The following DCTN1 variants were observed in gnomAD, a reference collection of about 807,000 sequenced individuals.
DCTN1 encodes 150 kDa dynein-associated polypeptide.
In DCTN1, 61 loss-of-function variants were observed where a neutral mutation model predicts 161.2. That is an observed-to-expected ratio of 0.38 (90% CI 0.31 to 0.47). The LOEUF (loss-of-function observed/expected upper bound fraction) is 0.47, where lower values mean the gene tolerates loss of function less well. Among genes scored for constraint, DCTN1 ranks in the 20% least tolerant of loss-of-function variants. DCTN1 has a pLI of 0.99. For missense variants in DCTN1, 1,404 were observed against 1,623.7 expected (o/e 0.86, Z 2.33); for synonymous variants, 653 against 632.4 (o/e 1.03, Z -0.49).
At chr2:74,381,376 G>A (rs139573378), upstream of DCTN1, among the ~76,000 whole-genome samples, 119 of 152,250 alleles carry the variant, frequency 7.8e-4, 1 homozygote, top group African/African-American at 2.6e-3. Context: ...ACTTTACCCC[G>A]CTCTACCCTC....
chr2:74,375,636 A>C (rs1440520728), intron 5 of DCTN1, among the ~76,000 whole-genome samples: 1 of 152,150 alleles, frequency 6.6e-6, no homozygotes, highest in Non-Finnish European at 1.5e-5. Context: ...TTCTCTATTC[A>C]AGGCCTGAGG....
intron 1 of DCTN1, among the ~76,000 whole-genome samples, chr2:74,386,396 T>A (rs1675732514): frequency 6.6e-6 from 1 of 152,210 alleles, no homozygotes; most frequent in Non-Finnish European, 1.5e-5. Context: ...AGGATTGTTG[T>A]AAAAATCACA....
Position 74,362,047 on chromosome 2 carries a change from C to T in DCTN1, c.3699+5G>A, listed in dbSNP as rs1674037698. ...TCCCATCCTCCACCCCATGCTCCCC[C>T]TCACCCTGAGGAAGGCTGATGAAGG... On this transcript the variant is annotated splice_donor_5th_base_variant and intron_variant, in intron 31 of 31. Coordinates refer to ENST00000628224, the MANE Select transcript of DCTN1 (RefSeq NM_004082.5). 6.2e-7 allele frequency: 1 copy of T among 1,613,402 alleles called. No homozygotes were observed. Among genetic ancestry groups the T allele is most frequent in the African/African-American group, 1.3e-5 (1 of 74,868 alleles).
At chr2:74,363,214 C>G (rs752913116) in intron 28 of DCTN1, 37 bp from the exon 29 acceptor site, 34 of 1,613,954 alleles carry the variant, frequency 2.1e-5, no homozygotes, top group Non-Finnish European at 2.9e-5. Flanking sequence ...GTAAGAGGTG[C>G]TAGGAGGCCC....
At chr2:74,390,748 CAA>C in intron 1 of DCTN1, 1 of 335,350 alleles carries the variant, frequency 3.0e-6, no homozygotes, top group Non-Finnish European at 6.4e-6. Context: ...AATGCAGAAC[CAA>C]TCAGAATCTG....
At chr2:74,391,865 GC>G in exon 1 of DCTN1, 1 of 452,642 alleles carries the variant, frequency 2.2e-6, no homozygotes, top group Non-Finnish European at 4.4e-6. Flanking sequence ...TGCGGGGCCG[GC>G]CCCGCCCTCC....
At chr2:74,371,335 A>T in intron 8 of DCTN1, 159 bp from the exon 9 acceptor site, 1 of 1,508,950 alleles carries the variant, frequency 6.6e-7, no homozygotes, top group Non-Finnish European at 9.1e-7. Flanking sequence ...ACCGTAGCAC[A>T]GTATATATGG....
chr2:74,362,764 G>A (rs766803688), intron 29 of DCTN1, 35 bp from the exon 30 acceptor site: 2 of 1,601,714 alleles, frequency 1.2e-6, no homozygotes, highest in South Asian at 1.1e-5. Context: ...GCCCACCAAG[G>A]CGCAGGCAGG....
At chr2:74,373,626 T>C (rs925561092) in intron 6 of DCTN1, among the ~76,000 whole-genome samples, 2 of 152,072 alleles carry the variant, frequency 1.3e-5, no homozygotes, top group African/African-American at 4.8e-5. Context: ...CACCCAGCTG[T>C]AGGAAAGGAG....
chr2:74,371,758 A>G (rs1478263048), intron 7 of DCTN1, 30 bp from the exon 8 acceptor site: 11 of 1,577,990 alleles, frequency 7.0e-6, no homozygotes, highest in Non-Finnish European at 8.6e-6. Flanking sequence ...GCAGACCAGA[A>G]AGAAAGCAGA....
At chr2:74,377,036 G>A (rs570526542) in intron 4 of DCTN1, among the ~76,000 whole-genome samples, 23 of 152,284 alleles carry the variant, frequency 1.5e-4, no homozygotes, top group African/African-American at 4.8e-4. Context: ...CAGAGGGCCC[G>A]GCTCCTTGCC....
chr2:74,364,013 A>T (rs2104401394), intron 26 of DCTN1: 1 of 298,972 alleles, frequency 3.3e-6, no homozygotes, highest in Non-Finnish European at 6.4e-6. Context: ...GCTCACCAGC[A>T]GCAAAGCTTA....
intron 4 of DCTN1, 64 bp from the exon 5 acceptor site, chr2:74,376,826 C>T: frequency 6.6e-7 from 1 of 1,513,164 alleles, no homozygotes; most frequent in Non-Finnish European, 9.1e-7. Flanking sequence ...GTGTTAAGAC[C>T]AACTCGGGCT....
Position 74,369,225 on chromosome 2 carries a change from A to G in DCTN1, c.1585-11T>C, listed in dbSNP as rs2103645005. Reference sequence around the variant, plus strand: ...TTCCCGATTCACATCCTAGGAGGAGAGACAGTGAAGCACAGCTGGGTCATA... The same window carrying G: ...TTCCCGATTCACATCCTAGGAGGAGGGACAGTGAAGCACAGCTGGGTCATA... On this transcript the variant is annotated splice_polypyrimidine_tract_variant and intron_variant, in intron 14 of 31. Coordinates refer to ENST00000628224, the MANE Select transcript of DCTN1 (RefSeq NM_004082.5). The surrounding 1 kb of genome is among the most constrained non-coding windows in gnomAD (Gnocchi z 4.9). The G allele has an allele frequency of 6.2e-7, 1 of 1,614,116 alleles. No homozygotes were observed. Among genetic ancestry groups the G allele is most frequent in the Non-Finnish European group, 8.5e-7 (1 of 1,180,016 alleles).
In DCTN1 at chr2:74,362,673, T is replaced by A; in HGVS notation, c.3586A>T (p.Ser1196Cys). 3 of 1,613,978 alleles carry A rather than the reference T, an allele frequency of 1.9e-6. No individual in the cohort carries two copies. The highest frequency in any genetic ancestry group is 2.5e-6 in the Non-Finnish European group (3 of 1,179,974). Residue 1196 changes from serine to cysteine, a missense_variant, in exon 30 of 32, where the codon AGT (serine) becomes TGT (cysteine). Physicochemically the swap from Ser to Cys is moderately radical, Grantham distance 112. Transcript: ENST00000628224. ...ACCTTGAGCTTCTCGACGGTGTCAC[T>A]CAGGGACTTAAGCTGAGCCACTTGC... ...MEQVAQLKSL[S>C]DTVEKLKDEV...
intron 1 of DCTN1, 126 bp from the exon 2 acceptor site, chr2:74,378,371 A>ATTCTGTAAATGGGG: frequency 8.1e-7 from 1 of 1,230,752 alleles, no homozygotes; most frequent in Non-Finnish European, 1.1e-6. Context: ...CTTAAACCCC[A>ATTCTGTAAATGGGG]TTTACAGAAT....
rs117785767 is a variant in DCTN1, at chr2:74,373,428, G to A, written c.433-480C>T. ...GAACTCCCTAGAAACCCCATGTGAC[G>A]AGCGTAATCTAAGCCCAGAAATGGG... On this transcript the variant is annotated intron_variant, in intron 6 of 31. Transcript: ENST00000628224. 77 of 219,070 alleles carry A rather than the reference G, an allele frequency of 3.5e-4. No individual in the cohort carries two copies. The East Asian group carries it at 4.6e-3, about 13-fold the overall frequency. The allele number at this position is 219,070 out of a possible 1,614,324, so 13.6% of individuals were successfully genotyped here.
intron 1 of DCTN1, among the ~76,000 whole-genome samples, chr2:74,386,361 G>C (rs1573188816): frequency 1.3e-5 from 2 of 152,194 alleles, no homozygotes; most frequent in African/African-American, 4.8e-5. Flanking sequence ...CTGGAAGAAA[G>C]GGATAATAAC....
chr2:74,383,170 A>C (rs1675589715), upstream of DCTN1, among the ~76,000 whole-genome samples: 1 of 152,234 alleles, frequency 6.6e-6, no homozygotes, highest in South Asian at 2.1e-4. Context: ...CAGTATGAAC[A>C]GAGGCAGAAA....
Sources: gnomAD v4.1 joint callset for allele counts (sites outside exome capture counted in the v4.1 genomes callset) on GRCh38, gnomAD v4.1.1 for gene constraint, Gnocchi (gnomAD v3.1) non-coding constraint, MANE v1.5 for transcripts, NCBI Gene and HGNC (gene_info 2026-07-23, HGNC 2026-07-21) for gene names.